The following PHLPP2 variants were observed in gnomAD, a reference collection of about 807,000 sequenced individuals.
PHLPP2 encodes PH domain leucine-rich repeat-containing protein phosphatase 2.
In PHLPP2, 66 loss-of-function variants were observed where a neutral mutation model predicts 124.9. The ratio of observed to expected loss-of-function variants is 0.53; its 90% CI spans 0.43 to 0.65. The LOEUF (loss-of-function observed/expected upper bound fraction) is 0.65, where lower values mean the gene tolerates loss of function less well. Ranked by LOEUF, PHLPP2 falls within the 30% of genes least tolerant of loss-of-function variation. The pLI is 0.00. For missense variants in PHLPP2, 1,685 were observed against 1,600.4 expected (o/e 1.05, Z -0.90); for synonymous variants, 681 against 624.7 (o/e 1.09, Z -1.34).
chr16:71,663,750 T>C (rs1279781164), intron 13 of PHLPP2, 149 bp downstream of exon 13: 3 of 659,926 alleles, frequency 4.5e-6, no homozygotes, highest in Non-Finnish European at 8.0e-6. Flanking sequence ...ACTATTAAGA[T>C]GAGATTTTGC....
rs2044666388 is a variant in PHLPP2 at position 71,648,119 on chromosome 16, T to C, written c.*771A>G. On this transcript the variant is annotated 3_prime_UTR_variant, in exon 19 of 19. Transcript: ENST00000568954. ...TCTCGTAGAGAAGAATGAAAAGCCA[T>C]GTGACTAGTCACATCACACCCCATT... is the stretch of plus-strand genomic sequence containing the variant. 6.5e-6 allele frequency: 1 copy of C among 152,688 alleles called. No individual in the cohort carries two copies. The highest frequency in any genetic ancestry group is 2.1e-4 in the South Asian group (1 of 4,834). The allele number at this position is 152,688 out of a possible 1,614,324, so 9.5% of individuals were successfully genotyped here.
chr16:71,690,456 T>C, intron 4 of PHLPP2, 63 bp downstream of exon 4: 1 of 1,092,590 alleles, frequency 9.2e-7, no homozygotes. Flanking sequence ...ATGAAAAGCA[T>C]TATGTGATAT....
intron 1 of PHLPP2, chr16:71,723,188 G>C (rs1161558454): frequency 6.6e-6 from 1 of 152,108 alleles, no homozygotes; most frequent in Non-Finnish European, 1.5e-5. Context: ...CTCTCTCCAA[G>C]CTGGGCGGGT....
intron 1 of PHLPP2, among the ~76,000 whole-genome samples, chr16:71,717,087 G>T (rs181349495): frequency 1.3e-5 from 2 of 152,232 alleles, no homozygotes; most frequent in Non-Finnish European, 2.9e-5. Context: ...GAACAAACTT[G>T]GGGGGGAAAA....
At chr16:71,680,032 G>A (rs768048417) in intron 6 of PHLPP2, among the ~76,000 whole-genome samples, 1 of 151,282 alleles carries the variant, frequency 6.6e-6, no homozygotes, top group Non-Finnish European at 1.5e-5. Flanking sequence ...GCAGTGAGCC[G>A]ACATTGCGCC....
At chr16:71,654,985 T>C (rs1596987951) in intron 17 of PHLPP2, 1 of 437,046 alleles carries the variant, frequency 2.3e-6, no homozygotes, top group South Asian at 4.1e-5. Flanking sequence ...CACAACATTT[T>C]GCACATAAAT....
rs750404506 is a variant in PHLPP2 at position 71,652,972 on chromosome 16, A to C, written c.2635T>G (p.Tyr879Asp). 24 of 1,613,862 alleles carry C rather than the reference A, an allele frequency of 1.5e-5. No individual in the cohort carries two copies. The South Asian group carries it at 2.6e-4, about 18-fold the overall frequency. Residue 879 changes from tyrosine to aspartate, a missense_variant, in exon 18 of 19, where the codon TAC (tyrosine) becomes GAC (aspartate). Transcript: ENST00000568954. ...QKLGSSALLC[Y>D]IRPDTADPAS... ...GGATCGGCAGTGTCAGGGCGGATGTAGCACAGGAGAGCGGAGGAGCCCAAC... is the reference window on the plus strand; with the variant it reads ...GGATCGGCAGTGTCAGGGCGGATGTCGCACAGGAGAGCGGAGGAGCCCAAC...
intron 2 of PHLPP2, among the ~76,000 whole-genome samples, chr16:71,707,795 T>C (rs1201095999): frequency 2.0e-5 from 3 of 152,222 alleles, no homozygotes; most frequent in African/African-American, 7.2e-5. Flanking sequence ...TATAGCACCT[T>C]CCTGAGTTCT....
chr16:71,720,992 G>A (rs2145391383), intron 1 of PHLPP2, among the ~76,000 whole-genome samples: 1 of 152,066 alleles, frequency 6.6e-6, no homozygotes, highest in South Asian at 2.1e-4. Context: ...TTGTGAAAGC[G>A]GTGGGGAGGG....
intron 4 of PHLPP2, among the ~76,000 whole-genome samples, chr16:71,685,259 G>A (rs570219080): frequency 9.8e-5 from 15 of 152,298 alleles, no homozygotes; most frequent in African/African-American, 3.4e-4. Flanking sequence ...CCCAGGGGGC[G>A]GAGGTTGCAG....
At chr16:71,676,377 T>A in intron 9 of PHLPP2, 70 bp downstream of exon 9, 2 of 1,211,548 alleles carry the variant, frequency 1.7e-6, no homozygotes, top group Non-Finnish European at 2.4e-6. Flanking sequence ...ACACCACAGG[T>A]GCCACTGTTC....
intron 3 of PHLPP2, among the ~76,000 whole-genome samples, chr16:71,691,534 A>C (rs1045358144): frequency 1.3e-5 from 2 of 151,940 alleles, no homozygotes; most frequent in African/African-American, 4.8e-5. Flanking sequence ...AATACTAAGC[A>C]TAGTTTTAGG....
intron 8 of PHLPP2, chr16:71,677,182 T>C (rs1006388054): frequency 6.4e-6 from 1 of 156,154 alleles, no homozygotes; most frequent in African/African-American, 2.4e-5. Context: ...CGTATACAAA[T>C]TAATAAAGAG....
chr16:71,717,291 A>G (rs150423373), intron 1 of PHLPP2, among the ~76,000 whole-genome samples: 60 of 152,368 alleles, frequency 3.9e-4, no homozygotes, highest in African/African-American at 1.4e-3. Flanking sequence ...AAGAGGAATG[A>G]AAAGTTAGCA....
chr16:71,718,299 G>A (rs2045376484), intron 1 of PHLPP2, among the ~76,000 whole-genome samples: 1 of 152,130 alleles, frequency 6.6e-6, no homozygotes, highest in South Asian at 2.1e-4. Flanking sequence ...CATATATGCG[G>A]TCGGGCGCAG....
At chr16:71,684,635 TA>T (rs746648805) in intron 4 of PHLPP2, 34 bp from the exon 5 acceptor site, 32,657 of 1,070,168 alleles carry the variant, frequency 0.031, 1 homozygote, top group South Asian at 0.048. Flanking sequence ...CCAGAACCAC[TA>T]AAAAAAAAAA....
At chr16:71,720,786 C>T (rs1017506301) in intron 1 of PHLPP2, among the ~76,000 whole-genome samples, 1 of 151,818 alleles carries the variant, frequency 6.6e-6, no homozygotes, top group Non-Finnish European at 1.5e-5. Context: ...ATCGCTTGAA[C>T]CCGGGAGGCG....
intron 12 of PHLPP2, 111 bp from the exon 13 acceptor site, chr16:71,664,210 TG>T: frequency 6.8e-6 from 5 of 734,248 alleles, no homozygotes; most frequent in Admixed American, 2.7e-5. Flanking sequence ...AGCTTCCAAA[TG>T]GGAAAAAAAA....
At chr16:71,662,108 G>A (rs971051869) in intron 13 of PHLPP2, among the ~76,000 whole-genome samples, 9 of 151,706 alleles carry the variant, frequency 5.9e-5, no homozygotes, top group Non-Finnish European at 7.4e-5. Flanking sequence ...AGGCATGAGC[G>A]GCCACGCCCG....
Sources: allele counts gnomAD v4.1 joint callset (sites outside exome capture counted in the v4.1 genomes callset), GRCh38; gene constraint gnomAD v4.1.1; transcripts MANE v1.5; gene names NCBI Gene and HGNC (gene_info 2026-07-23, HGNC 2026-07-21).